The following SRRM4 variants were observed in gnomAD, a reference collection of about 807,000 sequenced individuals.
The protein encoded by SRRM4 is serine/arginine repetitive matrix 4.
SRRM4 carries 33 observed loss-of-function variants against 68.9 expected under a neutral mutation model. That is an observed-to-expected ratio of 0.48 (90% CI 0.36 to 0.64). SRRM4 has a LOEUF of 0.64. Ranked by LOEUF, SRRM4 falls within the 30% of genes least tolerant of loss-of-function variation. SRRM4 has a pLI of 0.00. For synonymous variants in SRRM4, 318 were observed against 318.8 expected (o/e 1.00, Z 0.03); for missense variants, 817 against 827.1 (o/e 0.99, Z 0.15).
chr12:119,011,946 C>T (rs907910132), intron 1 of SRRM4, among the ~76,000 whole-genome samples: 3 of 152,196 alleles, frequency 2.0e-5, no homozygotes, highest in African/African-American at 7.2e-5. Context: ...GTAGTGTCCA[C>T]CTCATAGGTT....
At chr12:119,137,754 T>A (rs967639628) in intron 8 of SRRM4, among the ~76,000 whole-genome samples, 1 of 152,144 alleles carries the variant, frequency 6.6e-6, no homozygotes, top group Non-Finnish European at 1.5e-5. Context: ...TAAAATTAAA[T>A]TTTAAAATGT....
chr12:119,156,737 G>A lies in SRRM4; in HGVS notation c.1775G>A (p.Arg592Gln), dbSNP rs1313771506. 1.9e-6 allele frequency: 3 copies of A among 1,546,540 alleles called. No homozygotes were observed. The highest frequency in any genetic ancestry group is 2.4e-5 in the East Asian group (1 of 40,910). The change falls in exon 13 of 13, where the codon CGG becomes CAG. Residue 592 changes from arginine to glutamine, a missense_variant. By Grantham distance (43) the Arg-to-Gln change is conservative (BLOSUM62 1). Coordinates refer to ENST00000267260, the MANE Select transcript of SRRM4 (RefSeq NM_194286.4). Reference sequence around the variant, plus strand: ...CGGAGCAGGAGCCGGAGCCGGAGCCGGAGCAGGAGCCAGAGCCGGAGCTAC... The same window carrying A: ...CGGAGCAGGAGCCGGAGCCGGAGCCAGAGCAGGAGCCAGAGCCGGAGCTAC... ...RSRSRSRSRS[R>Q]SRSQSRSYSS...
intron 1 of SRRM4, 139 bp from the exon 2 acceptor site, chr12:119,102,097 A>G (rs1186387585): frequency 1.3e-6 from 1 of 770,826 alleles, no homozygotes; most frequent in Non-Finnish European, 2.0e-6. Context: ...CTTAGAGACC[A>G]TTGGCCAAAG....
intron 8 of SRRM4, 35 bp from the exon 9 acceptor site, chr12:119,145,346 G>A (rs770894809): frequency 1.0e-5 from 16 of 1,571,656 alleles, no homozygotes; most frequent in African/African-American, 1.4e-5. Flanking sequence ...TGGGCCCAGC[G>A]CTCAGCAGTG....
intron 1 of SRRM4, among the ~76,000 whole-genome samples, chr12:119,040,395 A>C (rs971091232): frequency 6.6e-6 from 1 of 152,104 alleles, no homozygotes; most frequent in African/African-American, 2.4e-5. Context: ...TATCATTCTT[A>C]TGCCCTTGCA....
chr12:119,133,379 G>A (rs539847434), intron 8 of SRRM4, among the ~76,000 whole-genome samples: 1 of 152,312 alleles, frequency 6.6e-6, no homozygotes, highest in South Asian at 2.1e-4. Flanking sequence ...GGTAATAGCA[G>A]TGGTAGTAGT....
chr12:118,988,629 C>T (rs1953297789), intron 1 of SRRM4, among the ~76,000 whole-genome samples: 1 of 152,006 alleles, frequency 6.6e-6, no homozygotes, highest in Non-Finnish European at 1.5e-5. Context: ...AGAAGCTGCA[C>T]GTTGGCTAAA....
rs948683349 is a variant in SRRM4, at chr12:119,160,053, T to G, written c.*3255T>G. 1 of 152,220 alleles carries G rather than the reference T, an allele frequency of 6.6e-6. No homozygotes were observed. The highest frequency in any genetic ancestry group is 2.4e-5 in the African/African-American group (1 of 41,414). 9.4% of individuals were successfully genotyped at this position (152,220 alleles called of 1,614,324 possible). On this transcript the variant is annotated 3_prime_UTR_variant, in exon 13 of 13. Transcript: ENST00000267260. ...CTGGCCGGAGACAGCTCTTGCCCTT[T>G]CCAAAGTCACTGTCCACTGCCTTGC...
chr12:119,127,793 A>T (rs930585481), intron 7 of SRRM4, among the ~76,000 whole-genome samples: 3 of 151,902 alleles, frequency 2.0e-5, no homozygotes, highest in Non-Finnish European at 4.4e-5. Context: ...AAGGGGGAGA[A>T]GGAGAAAGAG....
At chr12:119,136,273 G>A (rs1203376974) in intron 8 of SRRM4, among the ~76,000 whole-genome samples, 1 of 152,176 alleles carries the variant, frequency 6.6e-6, no homozygotes, top group Non-Finnish European at 1.5e-5. Flanking sequence ...TAGGGCTGAG[G>A]GAGAATCTGG....
chr12:119,117,176 A>T (rs1189899016), intron 4 of SRRM4, among the ~76,000 whole-genome samples, 168 bp downstream of exon 4: 4 of 152,154 alleles, frequency 2.6e-5, no homozygotes, highest in African/African-American at 9.7e-5. Context: ...GGCTGCGAAG[A>T]CTAGAGGTCC....
At chr12:119,071,218 TA>T (rs1201278504) in intron 1 of SRRM4, among the ~76,000 whole-genome samples, 1 of 152,078 alleles carries the variant, frequency 6.6e-6, no homozygotes, top group Non-Finnish European at 1.5e-5. Flanking sequence ...GCCTGAGAGA[TA>T]AATAAATGAA....
chr12:119,067,183 A>G (rs1017416850), intron 1 of SRRM4, among the ~76,000 whole-genome samples: 1 of 150,768 alleles, frequency 6.6e-6, no homozygotes, highest in African/African-American at 2.4e-5. Flanking sequence ...CACTTTGTAT[A>G]TCTCCATCAA....
Position 118,981,546 on chromosome 12 carries a change from C to A in SRRM4, c.-337C>A. The A allele has an allele frequency of 4.2e-6, 1 of 237,964 alleles. No individual in the cohort carries two copies. Among genetic ancestry groups the A allele is most frequent in the Non-Finnish European group, 8.2e-6 (1 of 122,658 alleles). 14.7% of individuals were successfully genotyped at this position (237,964 alleles called of 1,614,324 possible). On this transcript the variant is annotated 5_prime_UTR_variant, in exon 1 of 13. Transcript: ENST00000267260. ...GGGCGCGCCGGAGCTCACACGCGCA[C>A]GCACACACATCCGACCCCGTCGCCT...
chr12:119,037,353 G>A (rs1953636048), intron 1 of SRRM4, among the ~76,000 whole-genome samples: 1 of 152,192 alleles, frequency 6.6e-6, no homozygotes, highest in Non-Finnish European at 1.5e-5. Context: ...CAAACAGATT[G>A]CAGGGCCTTG....
intron 2 of SRRM4, among the ~76,000 whole-genome samples, chr12:119,106,605 C>T (rs1204809831): frequency 6.6e-6 from 1 of 152,148 alleles, no homozygotes; most frequent in Admixed American, 6.6e-5. Context: ...ATTTGGCTCT[C>T]TGTTTGTCTG....
chr12:119,014,913 C>T (rs1174254555), intron 1 of SRRM4, among the ~76,000 whole-genome samples: 1 of 152,138 alleles, frequency 6.6e-6, no homozygotes, highest in Non-Finnish European at 1.5e-5. Context: ...AAATGCTGTT[C>T]AAGAAATTTG....
chr12:119,029,692 AC>A (rs1313032613), intron 1 of SRRM4, among the ~76,000 whole-genome samples: 1 of 152,104 alleles, frequency 6.6e-6, no homozygotes, highest in Non-Finnish European at 1.5e-5. Flanking sequence ...TCACCAACTC[AC>A]TCTTCTCCTA....
intron 1 of SRRM4, among the ~76,000 whole-genome samples, chr12:119,059,358 C>A (rs1953796772): frequency 1.3e-5 from 2 of 152,058 alleles, no homozygotes; most frequent in Non-Finnish European, 2.9e-5. Flanking sequence ...TAATAACATA[C>A]CTGTTTGTTT....
Sources: gnomAD v4.1 joint callset for allele counts (sites outside exome capture counted in the v4.1 genomes callset) on GRCh38, gnomAD v4.1.1 for gene constraint, MANE v1.5 for transcripts, NCBI Gene and HGNC (gene_info 2026-07-23, HGNC 2026-07-21) for gene names.